CSMD1: variants seen among roughly 807,000 people sequenced by gnomAD.
CSMD1 encodes the protein CUB and sushi domain-containing protein 1.
CSMD1 carries 213 observed loss-of-function variants against 417.5 expected under a neutral mutation model. That is an observed-to-expected ratio of 0.51 (90% CI 0.46 to 0.57). The LOEUF is 0.57. Ranked by LOEUF, CSMD1 falls within the 20% of genes least tolerant of loss-of-function variation. The pLI is 0.00. For synonymous variants in CSMD1, 2,862 were observed against 1,736.8 expected (o/e 1.65, Z -16.11); for missense variants, 6,923 against 4,529.7 (o/e 1.53, Z -15.17).
chr8:3,559,539 G>GA (rs1364139999), intron 10 of CSMD1, among the ~76,000 whole-genome samples: 11 of 152,128 alleles, frequency 7.2e-5, no homozygotes, highest in Non-Finnish European at 1.5e-4. Flanking sequence ...AATGGAAGAT[G>GA]ATAAAGGAAA....
chr8:4,978,201 G>A (rs1284582913), intron 1 of CSMD1, among the ~76,000 whole-genome samples: 1 of 152,048 alleles, frequency 6.6e-6, no homozygotes, highest in Non-Finnish European at 1.5e-5. Flanking sequence ...ATTATAACTT[G>A]GGATCTCACA....
intron 5 of CSMD1, among the ~76,000 whole-genome samples, chr8:3,869,019 G>C (rs1391297536): frequency 6.6e-6 from 1 of 152,190 alleles, no homozygotes; most frequent in Non-Finnish European, 1.5e-5. Flanking sequence ...CGAAGTAACA[G>C]CTGCAAGCAT....
chr8:4,215,652 A>G (rs1256043413), intron 3 of CSMD1, among the ~76,000 whole-genome samples: 5 of 152,220 alleles, frequency 3.3e-5, no homozygotes, highest in African/African-American at 4.8e-5. Context: ...AGAATTGAAA[A>G]TAATTTTAAA....
chr8:4,620,418 C>G (rs1162916558), intron 2 of CSMD1, among the ~76,000 whole-genome samples: 1 of 151,344 alleles, frequency 6.6e-6, no homozygotes, highest in Non-Finnish European at 1.5e-5. Flanking sequence ...AATAATTTGA[C>G]CAGAGTCTAA....
Position 3,613,142 on chromosome 8 carries a change from C to T in CSMD1, c.1097+3568G>A, listed in dbSNP as rs1024479413. Reference sequence around the variant, plus strand: ...AAAGAAAGATAAGAATAATTTTAAGCCAACAAATTTGACAACTTAGATTAA... The same window carrying T: ...AAAGAAAGATAAGAATAATTTTAAGTCAACAAATTTGACAACTTAGATTAA... On this transcript the variant is annotated intron_variant, in intron 8 of 69. Coordinates refer to ENST00000635120, the MANE Select transcript of CSMD1 (RefSeq NM_033225.6). The T allele has an allele frequency of 4.7e-5, 8 of 169,134 alleles. No individual in the cohort carries two copies. In the East Asian group the frequency reaches 5.5e-4, roughly 12 times the overall value. The allele number at this position is 169,134 out of a possible 1,614,324, so 10.5% of individuals were successfully genotyped here.
intron 1 of CSMD1, among the ~76,000 whole-genome samples, chr8:4,944,281 G>A (rs527843880): frequency 1.4e-4 from 22 of 152,186 alleles, no homozygotes; most frequent in Admixed American, 4.6e-4. Context: ...TATACTGTGA[G>A]TATTATGGAG....
intron 5 of CSMD1, among the ~76,000 whole-genome samples, chr8:3,821,344 G>T (rs915031465): frequency 3.3e-5 from 5 of 152,206 alleles, no homozygotes; most frequent in African/African-American, 1.2e-4. Flanking sequence ...ATAAGTAGAT[G>T]CATGAGACCC....
intron 36 of CSMD1, 105 bp downstream of exon 36, chr8:3,187,764 T>C (rs1585597065): frequency 5.0e-6 from 4 of 792,096 alleles, no homozygotes; most frequent in South Asian, 4.7e-5. Flanking sequence ...GATAGAAGAA[T>C]TGTGTAGGAA....
chr8:3,681,216 G>C (rs1293395647), intron 7 of CSMD1, among the ~76,000 whole-genome samples: 9 of 152,096 alleles, frequency 5.9e-5, no homozygotes, highest in Non-Finnish European at 1.3e-4. Context: ...AGGAAATAAA[G>C]GATATTCAAT....
At chr8:3,766,345 T>C (rs932343809) in intron 5 of CSMD1, among the ~76,000 whole-genome samples, 38 of 152,160 alleles carry the variant, frequency 2.5e-4, no homozygotes, top group African/African-American at 8.9e-4. Flanking sequence ...TGCAACAAGC[T>C]AATCTGGATC....
At chr8:3,449,519 A>AT (rs1815552740) in intron 12 of CSMD1, among the ~76,000 whole-genome samples, 2 of 148,512 alleles carry the variant, frequency 1.3e-5, no homozygotes, top group South Asian at 2.2e-4. Flanking sequence ...TCATGACAGC[A>AT]ATTTTTTTTT....
intron 2 of CSMD1, among the ~76,000 whole-genome samples, chr8:4,420,444 G>C (rs975470191): frequency 2.0e-5 from 3 of 151,894 alleles, no homozygotes; most frequent in African/African-American, 7.3e-5. Context: ...GTGAAGGTGC[G>C]TCATGGTGGT....
At chr8:3,449,877 T>C (rs1036835503) in intron 12 of CSMD1, among the ~76,000 whole-genome samples, 1 of 152,158 alleles carries the variant, frequency 6.6e-6, no homozygotes, top group Non-Finnish European at 1.5e-5. Flanking sequence ...CGTTGTAAAG[T>C]TTCTAATTAT....
intron 1 of CSMD1, among the ~76,000 whole-genome samples, chr8:4,797,355 G>A (rs191906387): frequency 6.6e-6 from 1 of 152,292 alleles, no homozygotes; most frequent in African/African-American, 2.4e-5. Flanking sequence ...AGGAGAAAGG[G>A]AGCATCTGTG....
In CSMD1 at chr8:4,171,883, G is replaced by C. The variant is rs544342940; in HGVS notation, c.416-139784C>G. On this transcript the variant is annotated intron_variant, in intron 3 of 69. Coordinates refer to ENST00000635120, the MANE Select transcript of CSMD1 (RefSeq NM_033225.6). Reference sequence around the variant, plus strand: ...CTCTCATTACTTACATCAAATACTTGAATGCAATTGTCTGCATGTTTTTAC... The same window carrying C: ...CTCTCATTACTTACATCAAATACTTCAATGCAATTGTCTGCATGTTTTTAC... Among the ~76,000 whole-genome samples, 9 of 152,122 alleles carry C rather than the reference G, an allele frequency of 5.9e-5. No homozygotes were observed. In the East Asian group the frequency reaches 1.5e-3, roughly 26 times the overall value.
chr8:3,869,566 T>C (rs1805337532), intron 5 of CSMD1, among the ~76,000 whole-genome samples: 2 of 152,152 alleles, frequency 1.3e-5, no homozygotes, highest in African/African-American at 4.8e-5. Context: ...GGTTCACAGG[T>C]AGATATAAAC....
chr8:4,236,026 G>GTTTTTTTTTTTTTTTTT (rs147378202), intron 3 of CSMD1, among the ~76,000 whole-genome samples: 3 of 108,126 alleles, frequency 2.8e-5, no homozygotes, highest in African/African-American at 1.3e-4. Flanking sequence ...AATGGATATT[G>GTTTTTTTTTTTTTTTTT]TTTTTTTTGT....
chr8:4,597,570 C>T (rs953705534), intron 2 of CSMD1, among the ~76,000 whole-genome samples: 1 of 151,408 alleles, frequency 6.6e-6, no homozygotes, highest in African/African-American at 2.4e-5. Context: ...CAAAACAATG[C>T]AACAAAAAAA....
rs1156701065 is a variant in CSMD1, at chr8:4,577,011, T to C, written c.302+60331A>G. Among the ~76,000 whole-genome samples the C allele has an allele frequency of 2.0e-5, 3 of 152,204 alleles. No individual in the cohort carries two copies. In the East Asian group the frequency reaches 5.8e-4, roughly 29 times the overall value. ...GTGATTCTATCTCCATGGTGACAGA[T>C]ATTAGATCTTGAATTTTTATTTCTT... On this transcript the variant is annotated intron_variant, in intron 2 of 69. Transcript: ENST00000635120.
Sources: allele counts gnomAD v4.1 joint callset (sites outside exome capture counted in the v4.1 genomes callset), GRCh38; gene constraint gnomAD v4.1.1; transcripts MANE v1.5; gene names NCBI Gene and HGNC (gene_info 2026-07-23, HGNC 2026-07-21).